AIF1L: variants seen among roughly 807,000 people sequenced by gnomAD.
AIF1L encodes the protein allograft inflammatory factor 1 like, also known as allograft inflammatory factor 1-like.
A neutral mutation model predicts 20.7 loss-of-function variants in AIF1L; 12 were observed. The observed-to-expected ratio is 0.58, with a 90% CI of 0.37 to 0.94. The LOEUF (loss-of-function observed/expected upper bound fraction) is 0.94, where lower values mean the gene tolerates loss of function less well. Among genes scored for constraint, AIF1L ranks in the 40% least tolerant of loss-of-function variants. The pLI, the probability that AIF1L is intolerant of heterozygous loss-of-function variation, is 0.01. For missense variants in AIF1L, 173 were observed against 185.3 expected (o/e 0.93, Z 0.39); for synonymous variants, 76 against 65.1 (o/e 1.17, Z -0.81).
chr9:131,101,020 C>T (rs1830629091), intron 2 of AIF1L, among the ~76,000 whole-genome samples: 1 of 152,162 alleles, frequency 6.6e-6, no homozygotes, highest in South Asian at 2.1e-4. Context: ...GCCTCAGCCT[C>T]CCAAGTAGCT....
intron 2 of AIF1L, among the ~76,000 whole-genome samples, chr9:131,103,663 C>A (rs1830684235): frequency 6.6e-6 from 1 of 152,026 alleles, no homozygotes; most frequent in African/African-American, 2.4e-5. Flanking sequence ...AACAAACAAA[C>A]AAAAAAATTC....
chr9:131,097,574 T>C (rs888317779), intron 2 of AIF1L, among the ~76,000 whole-genome samples: 1 of 152,254 alleles, frequency 6.6e-6, no homozygotes, highest in African/African-American at 2.4e-5. Flanking sequence ...GGTGGATTTC[T>C]CAAAAGAAAT....
At chr9:131,105,711 A>G (rs968660013) in intron 2 of AIF1L, among the ~76,000 whole-genome samples, 2 of 152,160 alleles carry the variant, frequency 1.3e-5, no homozygotes, top group Non-Finnish European at 2.9e-5. Context: ...AGCCTCTGTC[A>G]TGCGTGGGCA....
chr9:131,115,109 G>A (rs1830977621), intron 4 of AIF1L, among the ~76,000 whole-genome samples: 1 of 152,186 alleles, frequency 6.6e-6, no homozygotes, highest in African/African-American at 2.4e-5. Flanking sequence ...AGTGGTTAAG[G>A]CTGGTTTAAT....
chr9:131,101,958 C>A (rs995761533), intron 2 of AIF1L, among the ~76,000 whole-genome samples: 1 of 152,088 alleles, frequency 6.6e-6, no homozygotes, highest in Non-Finnish European at 1.5e-5. Context: ...ACTCTGTCAC[C>A]CAGGCTGGAG....
intron 2 of AIF1L, among the ~76,000 whole-genome samples, chr9:131,104,066 C>G (rs906926939): frequency 1.3e-5 from 2 of 152,156 alleles, no homozygotes; most frequent in East Asian, 1.9e-4. Context: ...ATGCTCTGGT[C>G]CCCGGGGACT....
At chr9:131,111,535 C>CCCAT in intron 2 of AIF1L, 62 bp from the exon 3 acceptor site, 3 of 1,487,876 alleles carry the variant, frequency 2.0e-6, no homozygotes, top group Non-Finnish European at 2.8e-6. Flanking sequence ...GGACAGTGGG[C>CCCAT]CCATGTGTGG....
At position 131,105,834 on chromosome 9, in the gene AIF1L, C is replaced by T. The variant is rs1238802603; in HGVS notation, c.94-5763C>T. ...GGATGTTTTGTTGTTGTTGTTGTTG[C>T]TTTTTTTTTTTTTTTAGAGACAGGG... is the stretch of plus-strand genomic sequence containing the variant. On this transcript the variant is annotated intron_variant, in intron 2 of 5. Coordinates refer to ENST00000247291, the MANE Select transcript of AIF1L (RefSeq NM_031426.4). Among the ~76,000 whole-genome samples, 23 of 139,168 alleles carry T rather than the reference C, an allele frequency of 1.7e-4. No homozygotes were observed. In the East Asian group the frequency reaches 1.9e-3, roughly 11 times the overall value. The allele number at this position is 139,168 out of a possible 152,430, so 91.3% of individuals were successfully genotyped here. A position where few individuals can be genotyped will look rare whatever the true frequency, so the allele number is the denominator to read the frequency against.
intron 2 of AIF1L, among the ~76,000 whole-genome samples, chr9:131,100,807 C>T (rs1265716893): frequency 6.6e-6 from 1 of 152,208 alleles, no homozygotes; most frequent in Admixed American, 6.5e-5. Context: ...GGGCGCTGCC[C>T]CTCAGGGTGG....
intron 2 of AIF1L, chr9:131,102,946 G>T: frequency 2.2e-6 from 1 of 456,374 alleles, no homozygotes. Context: ...AGAAAGACAA[G>T]CCTGGAGGGC....
Position 131,117,890 on chromosome 9 carries a change from C to G in AIF1L, c.337C>G (p.Leu113Val), listed in dbSNP as rs1251723037. The G allele has an allele frequency of 6.2e-7, 1 of 1,612,302 alleles. No homozygotes were observed. Among genetic ancestry groups the G allele is most frequent in the East Asian group, 2.2e-5 (1 of 44,884 alleles). Residue 113 changes from leucine to valine, a missense_variant, in exon 5 of 6, where the codon CTG becomes GTG. Leu to Val is a conservative substitution (Grantham distance 32, BLOSUM62 1). Transcript: ENST00000247291. ...CTACCGAGACTTTGTGAACATGATG[C>G]TGGGGAAACGGTCGGCTGTCCTCAA... Reference protein sequence around the residue: ...ISYRDFVNMMLGKRSAVLKLV... With the variant: ...ISYRDFVNMMVGKRSAVLKLV...
At chr9:131,100,064 A>T (rs1830604396) in intron 2 of AIF1L, among the ~76,000 whole-genome samples, 1 of 151,024 alleles carries the variant, frequency 6.6e-6, no homozygotes, top group African/African-American at 2.4e-5. Flanking sequence ...GTTAACAGAG[A>T]CAGGGTCTCA....
intron 2 of AIF1L, among the ~76,000 whole-genome samples, chr9:131,101,999 C>G (rs1178779281): frequency 6.6e-6 from 1 of 152,262 alleles, no homozygotes; most frequent in East Asian, 1.9e-4. Flanking sequence ...TCACTGCAAC[C>G]TCTGCCACCC....
intron 2 of AIF1L, among the ~76,000 whole-genome samples, chr9:131,100,434 G>T (rs1446392263): frequency 6.6e-6 from 1 of 152,218 alleles, no homozygotes; most frequent in Non-Finnish European, 1.5e-5. Context: ...AGGGAGTATT[G>T]TTGCTCCCAT....
At chr9:131,102,802 C>T (rs1273605692) in intron 2 of AIF1L, 2 of 436,326 alleles carry the variant, frequency 4.6e-6, no homozygotes, top group South Asian at 1.6e-5. Context: ...CTGTGGGCTG[C>T]GTCAGAGGTC....
In AIF1L at chr9:131,122,859, G is replaced by A. The variant is rs1364747026; in HGVS notation, c.*2537G>A. Reference sequence around the variant, plus strand: ...CTCAAGAGTTGTCCCTGGAAGGAGGGCGGGGGCAGTCTGCATCTATTTCAG... The same window carrying A: ...CTCAAGAGTTGTCCCTGGAAGGAGGACGGGGGCAGTCTGCATCTATTTCAG... On this transcript the variant is annotated 3_prime_UTR_variant, in exon 6 of 6. Transcript: ENST00000247291. 6.6e-6 allele frequency: 1 copy of A among 152,346 alleles called. No homozygotes were observed. Among genetic ancestry groups the A allele is most frequent in the Non-Finnish European group, 1.5e-5 (1 of 68,152 alleles). 9.4% of individuals were successfully genotyped at this position (152,346 alleles called of 1,614,324 possible). A position where few individuals can be genotyped will look rare whatever the true frequency, so the allele number is the denominator to read the frequency against.
chr9:131,104,198 T>C (rs976183372), intron 2 of AIF1L, among the ~76,000 whole-genome samples: 6 of 152,196 alleles, frequency 3.9e-5, no homozygotes, highest in African/African-American at 1.4e-4. Flanking sequence ...TGCATGTCAA[T>C]AGCCACTTTC....
In AIF1L at chr9:131,109,575, A is replaced by G. The variant is rs1437253286; in HGVS notation, c.94-2022A>G. Among the ~76,000 whole-genome samples, 4 of 152,094 alleles carry G rather than the reference A, an allele frequency of 2.6e-5. No individual in the cohort carries two copies. In the East Asian group the frequency reaches 5.8e-4, roughly 22 times the overall value. On this transcript the variant is annotated intron_variant, in intron 2 of 5. Transcript: ENST00000247291. Reference sequence around the variant, plus strand: ...ACTCCGTCTCAAAAAAACAAAAACAAAAACAAAAAAAGAATGGAAGCTCCA... The same window carrying G: ...ACTCCGTCTCAAAAAAACAAAAACAGAAACAAAAAAAGAATGGAAGCTCCA...
chr9:131,097,301 C>T (rs967844425), intron 2 of AIF1L, among the ~76,000 whole-genome samples: 5 of 152,228 alleles, frequency 3.3e-5, no homozygotes, highest in Admixed American at 2.6e-4. Flanking sequence ...CTCATTGCAG[C>T]CTCCACCTTT....
Sources: gnomAD v4.1 joint callset for allele counts (sites outside exome capture counted in the v4.1 genomes callset) on GRCh38, gnomAD v4.1.1 for gene constraint, MANE v1.5 for transcripts, NCBI Gene and HGNC (gene_info 2026-07-23, HGNC 2026-07-21) for gene names.